The following GUCA1C variants were observed in gnomAD, a reference collection of about 807,000 sequenced individuals.
The protein encoded by GUCA1C is guanylate cyclase activator 1C.
A neutral mutation model predicts 16.2 loss-of-function variants in GUCA1C; 15 were observed. That is an observed-to-expected ratio of 0.93 (90% CI 0.62 to 1.43). The LOEUF (loss-of-function observed/expected upper bound fraction) is 1.43. Ranked by LOEUF, GUCA1C falls within the 40% of genes most tolerant of loss-of-function variation. The pLI is 0.00. For synonymous variants in GUCA1C, 78 were observed against 85.4 expected, an observed-to-expected ratio of 0.91 and a Z score of 0.48; for missense variants, 275 against 244.8, an observed-to-expected ratio of 1.12 and a Z score of -0.82.
chr3:108,925,359 C>T (rs1320776399), intron 1 of GUCA1C, among the ~76,000 whole-genome samples: 1 of 152,062 alleles, frequency 6.6e-6, no homozygotes, highest in African/African-American at 2.4e-5. Context: ...TTTAAATTTC[C>T]ATCTTAATCT....
At position 108,916,089 on chromosome 3, in the gene GUCA1C, T is replaced by C. The variant is rs372364459; in HGVS notation, c.442+38A>G. 27 of 1,609,476 alleles carry C rather than the reference T, an allele frequency of 1.7e-5. No homozygotes were observed. In the African/African-American group the frequency reaches 2.9e-4, roughly 18 times the overall value. ...TCCCCACTACCACCATCTCCTACTT[T>C]GTAGGAAAAGTGATCCAGTAGAGAG... On this transcript the variant is annotated intron_variant, in intron 3 of 3. Coordinates refer to ENST00000261047, the MANE Select transcript of GUCA1C (RefSeq NM_005459.4).
chr3:108,920,871 C>T (rs564709093), intron 1 of GUCA1C, among the ~76,000 whole-genome samples: 22 of 152,216 alleles, frequency 1.4e-4, no homozygotes, highest in Non-Finnish European at 2.5e-4. Flanking sequence ...GTATACTCCC[C>T]GTCCCCACAC....
At chr3:108,940,357 G>C (rs1259259822) in intron 1 of GUCA1C, among the ~76,000 whole-genome samples, 1 of 152,226 alleles carries the variant, frequency 6.6e-6, no homozygotes, top group Non-Finnish European at 1.5e-5. Flanking sequence ...CAGTGATTAT[G>C]ACACAAGTTA....
At chr3:108,945,343 C>T (rs1045244398) in intron 1 of GUCA1C, among the ~76,000 whole-genome samples, 1 of 152,204 alleles carries the variant, frequency 6.6e-6, no homozygotes, top group African/African-American at 2.4e-5. Flanking sequence ...TGTGGCTGGT[C>T]TTTGGAGCCC....
At position 108,953,656 on chromosome 3, in the gene GUCA1C, G is replaced by A; in HGVS notation, c.107C>T (p.Thr36Ile). The A allele has an allele frequency of 6.2e-7, 1 of 1,612,406 alleles. No homozygotes were observed. The highest frequency in any genetic ancestry group is 2.2e-5 in the East Asian group (1 of 44,864). The change falls in exon 1 of 4, where the codon ACA (threonine) becomes ATA (isoleucine). Residue 36 changes from threonine (T) to isoleucine (I), a missense_variant. Physicochemically the swap from Thr to Ile is moderately conservative, Grantham distance 89. Transcript: ENST00000261047. ...CAAAAGTGTCTTAAATTCATGTAGT[G>A]TTTGCAGGCCGGATGGATATTCCAT... is the stretch of plus-strand genomic sequence containing the variant. The part of the protein sequence containing the change: ...FMMEYPSGLQ[T>I]LHEFKTLLGL...
intron 3 of GUCA1C, among the ~76,000 whole-genome samples, chr3:108,912,103 C>CAATAATAATAATAATAAT (rs144187451): frequency 0.11 from 13,774 of 125,500 alleles, 1,005 homozygotes; most frequent in East Asian, 0.33. Flanking sequence ...GACTCCGTCT[C>CAATAATAATAATAATAAT]AATAATAATA....
At chr3:108,936,809 G>T (rs1306858052) in intron 1 of GUCA1C, among the ~76,000 whole-genome samples, 1 of 152,138 alleles carries the variant, frequency 6.6e-6, no homozygotes. Context: ...GGGAAGTCTG[G>T]CCTGGGTACA....
chr3:108,913,958 T>C (rs553301789), intron 3 of GUCA1C, among the ~76,000 whole-genome samples: 516 of 152,030 alleles, frequency 3.4e-3, no homozygotes, highest in Non-Finnish European at 4.5e-3. Context: ...CCCAGCTACT[T>C]GGGAGATTGA....
At chr3:108,930,595 C>T (rs1946658223) in intron 1 of GUCA1C, among the ~76,000 whole-genome samples, 1 of 152,156 alleles carries the variant, frequency 6.6e-6, no homozygotes, top group South Asian at 2.1e-4. Context: ...GATAAGAAAA[C>T]ATTTCAAAGT....
intron 3 of GUCA1C, among the ~76,000 whole-genome samples, chr3:108,915,138 T>C (rs1186909341): frequency 6.6e-6 from 1 of 150,572 alleles, no homozygotes; most frequent in Non-Finnish European, 1.5e-5. Context: ...CACCATCCCA[T>C]CCTGCCACGC....
At position 108,932,352 on chromosome 3, in the gene GUCA1C, A is replaced by C. The variant is rs528929737; in HGVS notation, c.205-11767T>G. Among the ~76,000 whole-genome samples, 10 of 144,860 alleles carry C rather than the reference A, an allele frequency of 6.9e-5. No individual in the cohort carries two copies. In the East Asian group the frequency reaches 8.0e-4, roughly 12 times the overall value. On this transcript the variant is annotated intron_variant, in intron 1 of 3. Coordinates refer to ENST00000261047, the MANE Select transcript of GUCA1C (RefSeq NM_005459.4). ...AAAAAAAAAAAAACAAAAAAAAAAA[A>C]CAGCATCAAAGCTCCTTGGGATATA...
At chr3:108,946,888 T>C (rs1946849055) in intron 1 of GUCA1C, among the ~76,000 whole-genome samples, 2 of 78,510 alleles carry the variant, frequency 2.5e-5, no homozygotes, top group South Asian at 4.7e-4. Context: ...AAATCAAGAA[T>C]CTGAAAAAAA....
upstream of GUCA1C, among the ~76,000 whole-genome samples, chr3:108,954,249 TGAG>T (rs1265051373): frequency 1.3e-5 from 2 of 152,182 alleles, no homozygotes; most frequent in African/African-American, 4.8e-5. Flanking sequence ...TTTTCATACC[TGAG>T]TATTGTGAAG....
chr3:108,918,915 T>A (rs1283961705), intron 2 of GUCA1C, among the ~76,000 whole-genome samples: 1 of 152,216 alleles, frequency 6.6e-6, no homozygotes, highest in Admixed American at 6.5e-5. Context: ...TTTTGCTATC[T>A]TAAGAGATTC....
At position 108,939,335 on chromosome 3, in the gene GUCA1C, T is replaced by TTTTTTTTTTTTTTTG. The variant is rs1447966515; in HGVS notation, c.204+14209_204+14223dup. Reference sequence around the variant, plus strand: ...TACTTGCTTCAAGGCTTTTTTTTTTTTTTTTTTTTTTTTTGAGACGGAATC... The same window carrying TTTTTTTTTTTTTTTG: ...TACTTGCTTCAAGGCTTTTTTTTTTTTTTTTTTTTTTTTTGTTTTTTTTTTTTTTGAGACGGAATC... On this transcript the variant is annotated intron_variant, in intron 1 of 3. Transcript: ENST00000261047. 5.3e-5 allele frequency among the ~76,000 whole-genome samples: 6 copies of TTTTTTTTTTTTTTTG among 112,624 alleles called. 2 individuals carry two copies. The highest frequency in any genetic ancestry group is 4.2e-4 in the East Asian group (2 of 4,742). 73.9% of individuals were successfully genotyped at this position (112,624 alleles called of 152,430 possible).
In GUCA1C at chr3:108,953,714, GT is replaced by G. The variant is rs1199951638; in HGVS notation, c.48del (p.Gln17LysfsTer11). 1.2e-6 allele frequency: 2 copies of G among 1,613,374 alleles called. No individual in the cohort carries two copies. Among genetic ancestry groups the G allele is most frequent in the East Asian group, 4.5e-5 (2 of 44,868 alleles). The stretch of plus-strand genomic sequence containing the variant: ...GTTCTGTACCACACATGGGTCTCTT[GT>G]GTAGGAACTGCTTTCTGATCACCAG... ...SIAGDQKAVP[T>X]QETHVWYRTF... On this transcript the variant is annotated frameshift_variant, in exon 1 of 4. Transcript: ENST00000261047. LOFTEE classifies it high-confidence loss of function.
Position 108,907,859 on chromosome 3 carries a change from ATC to A in GUCA1C, c.*161_*162del. Reference sequence around the variant, plus strand: ...AAAAGCAACAATGCATCTGTTTAGGATCTTTATGCAAGTCTCTACTGGATTAA... The same window carrying A: ...AAAAGCAACAATGCATCTGTTTAGGATTTATGCAAGTCTCTACTGGATTAA... On this transcript the variant is annotated 3_prime_UTR_variant, in exon 4 of 4. Coordinates refer to ENST00000261047, the MANE Select transcript of GUCA1C (RefSeq NM_005459.4). 1 of 585,368 alleles carries A rather than the reference ATC, an allele frequency of 1.7e-6. No homozygotes were observed. The highest frequency in any genetic ancestry group is 3.0e-6 in the Non-Finnish European group (1 of 331,650). The allele number at this position is 585,368 out of a possible 1,614,324, so 36.3% of individuals were successfully genotyped here. A position where few individuals can be genotyped will look rare whatever the true frequency, so the allele number is the denominator to read the frequency against.
chr3:108,944,817 A>G (rs1371213338), intron 1 of GUCA1C, among the ~76,000 whole-genome samples: 2 of 152,214 alleles, frequency 1.3e-5, no homozygotes, highest in Non-Finnish European at 2.9e-5. Flanking sequence ...TTCTAGGGAA[A>G]TGTGGGATTT....
chr3:108,946,711 C>T (rs1479192234), intron 1 of GUCA1C, among the ~76,000 whole-genome samples: 1 of 151,922 alleles, frequency 6.6e-6, no homozygotes, highest in African/African-American at 2.4e-5. Context: ...CAATCAGATA[C>T]ATTTACAATG....
Sources: allele counts gnomAD v4.1 joint callset (sites outside exome capture counted in the v4.1 genomes callset), GRCh38; gene constraint gnomAD v4.1.1; transcripts MANE v1.5; gene names NCBI Gene and HGNC (gene_info 2026-07-23, HGNC 2026-07-21).